The following GRXCR2 variants were observed in gnomAD, a reference collection of about 807,000 sequenced individuals.
GRXCR2 encodes the protein glutaredoxin domain-containing cysteine-rich protein 2.
Under a neutral mutation model 24.8 loss-of-function variants are expected in GRXCR2, and 23 were observed. The observed-to-expected ratio is 0.93, with a 90% CI of 0.67 to 1.32. The LOEUF is 1.32. Among genes scored for constraint, GRXCR2 ranks in the 40% most tolerant of loss-of-function variants. The pLI, the probability that GRXCR2 is intolerant of heterozygous loss-of-function variation, is 0.00. For missense variants in GRXCR2, 315 were observed against 303.4 expected, an observed-to-expected ratio of 1.04 and a Z score of -0.28; for synonymous variants, 130 against 116.1, an observed-to-expected ratio of 1.12 and a Z score of -0.77.
upstream of GRXCR2, among the ~76,000 whole-genome samples, chr5:145,876,191 G>GTGTATATATATA (rs1412232264): frequency 3.9e-3 from 412 of 105,234 alleles, no homozygotes; most frequent in African/African-American, 7.7e-3. Context: ...GTGTGTGTGT[G>GTGTATATATATA]TATATATATA....
At chr5:145,930,190 T>C (rs2149931541) in intron 2 of GRXCR2, among the ~76,000 whole-genome samples, 2 of 152,290 alleles carry the variant, frequency 1.3e-5, no homozygotes, top group Non-Finnish European at 2.9e-5. Context: ...ATTCAACTGA[T>C]TCTCCTGCCT....
chr5:145,907,565 C>T (rs1267868858), intron 2 of GRXCR2, among the ~76,000 whole-genome samples: 1 of 151,812 alleles, frequency 6.6e-6, no homozygotes, highest in Non-Finnish European at 1.5e-5. Context: ...AAAATGATCG[C>T]TCTGGCTGCC....
intron 2 of GRXCR2, among the ~76,000 whole-genome samples, chr5:145,863,658 GT>G (rs1756377835): frequency 6.6e-6 from 1 of 152,126 alleles, no homozygotes; most frequent in Non-Finnish European, 1.5e-5. Context: ...GCCAGGTTAG[GT>G]TCTTTTTTAA....
chr5:145,927,150 C>G (rs6580393), intron 2 of GRXCR2, among the ~76,000 whole-genome samples: 4 of 151,694 alleles, frequency 2.6e-5, no homozygotes, highest in Non-Finnish European at 4.4e-5. Context: ...GGGTTTTCTA[C>G]ATATACAATC....
intron 2 of GRXCR2, among the ~76,000 whole-genome samples, chr5:145,906,103 GA>G (rs1407763435): frequency 1.3e-5 from 2 of 152,152 alleles, no homozygotes; most frequent in Admixed American, 6.5e-5. Flanking sequence ...AATGCAGGAT[GA>G]GCCTGGTAAT....
chr5:145,864,479 C>A (rs2636300), intron 2 of GRXCR2, among the ~76,000 whole-genome samples: 12,283 of 152,072 alleles, frequency 0.081, 642 homozygotes, highest in African/African-American at 0.14. Flanking sequence ...CAAATCTCAT[C>A]TTGAATTGTA....
chr5:145,875,731 G>A (rs1756602572), upstream of GRXCR2, among the ~76,000 whole-genome samples: 1 of 152,104 alleles, frequency 6.6e-6, no homozygotes, highest in African/African-American at 2.4e-5. Flanking sequence ...TCATAACATT[G>A]TAACTCCCCC....
chr5:145,915,416 T>G (rs1427231044), intron 2 of GRXCR2, among the ~76,000 whole-genome samples: 4 of 152,104 alleles, frequency 2.6e-5, no homozygotes, highest in African/African-American at 9.7e-5. Flanking sequence ...AAACCAGAGA[T>G]TATTCTCCAC....
intron 2 of GRXCR2, among the ~76,000 whole-genome samples, chr5:145,929,901 C>T (rs138928194): frequency 2.0e-5 from 3 of 151,962 alleles, no homozygotes; most frequent in Non-Finnish European, 2.9e-5. Flanking sequence ...CAATCACTTC[C>T]GTTTCTTTAT....
At chr5:145,871,852 T>G (rs892090832) in intron 1 of GRXCR2, among the ~76,000 whole-genome samples, 2 of 152,198 alleles carry the variant, frequency 1.3e-5, no homozygotes, top group Non-Finnish European at 2.9e-5. Context: ...ATAATTGTAT[T>G]TTATCTTTTT....
rs377135425 is a variant in GRXCR2 at position 145,928,101 on chromosome 5, C to G, written c.-70+7600G>C. Among the ~76,000 whole-genome samples the G allele has an allele frequency of 4.5e-4, 68 of 152,002 alleles. No homozygotes were observed. The East Asian group carries it at 0.012, about 28-fold the overall frequency. ...TCAAAAAGTGGGCAAAGGATATGAA[C>G]AGACACTTCTCAAAAGAAGACATTT... is the stretch of plus-strand genomic sequence containing the variant. On this transcript the variant is annotated intron_variant, in intron 2 of 3. Coordinates refer to the GRXCR2 transcript ENST00000639411.
chr5:145,904,290 A>C (rs1757062232), intron 2 of GRXCR2, among the ~76,000 whole-genome samples: 1 of 152,204 alleles, frequency 6.6e-6, no homozygotes, highest in Non-Finnish European at 1.5e-5. Context: ...TCGCTGAGGA[A>C]ACATGGGATG....
At chr5:145,880,519 T>A (rs1756686286) in intron 2 of GRXCR2, among the ~76,000 whole-genome samples, 1 of 151,924 alleles carries the variant, frequency 6.6e-6, no homozygotes, top group Non-Finnish European at 1.5e-5. Context: ...AATAACAGAC[T>A]CTGAAATTGA....
At chr5:145,918,852 C>T (rs1300342163) in intron 2 of GRXCR2, among the ~76,000 whole-genome samples, 2 of 152,198 alleles carry the variant, frequency 1.3e-5, no homozygotes, top group Non-Finnish European at 2.9e-5. Flanking sequence ...CATTAAAACA[C>T]TACCTTCGTG....
At chr5:145,900,355 T>C (rs905844503) in intron 2 of GRXCR2, among the ~76,000 whole-genome samples, 1 of 152,186 alleles carries the variant, frequency 6.6e-6, no homozygotes, top group Non-Finnish European at 1.5e-5. Flanking sequence ...GTAAGTTTCC[T>C]GAGGTCTCCC....
At chr5:145,881,385 AACAG>A (rs1056674005) in intron 2 of GRXCR2, among the ~76,000 whole-genome samples, 4 of 152,128 alleles carry the variant, frequency 2.6e-5, no homozygotes, top group African/African-American at 7.2e-5. Context: ...ATACACCAAT[AACAG>A]ACAGAGAGCC....
rs72283862 is a variant in GRXCR2 at position 145,929,199 on chromosome 5, C to CTATATATATATATATA, written c.-70+6486_-70+6501dup. On this transcript the variant is annotated intron_variant, in intron 2 of 3. Coordinates refer to the GRXCR2 transcript ENST00000639411. Reference sequence around the variant, plus strand: ...TTTAATAGTTGTATAATATTCCCCCCTATATATATATATATATATATATAT... The same window carrying CTATATATATATATATA: ...TTTAATAGTTGTATAATATTCCCCCCTATATATATATATATATATATATATATATATATATATATAT... Among the ~76,000 whole-genome samples, 303 of 116,404 alleles carry CTATATATATATATATA rather than the reference C, an allele frequency of 2.6e-3. 1 individual carries two copies. Among genetic ancestry groups the CTATATATATATATATA allele is most frequent in the African/African-American group, 5.8e-3 (183 of 31,638 alleles). The allele number at this position is 116,404 out of a possible 152,430, so 76.4% of individuals were successfully genotyped here. A position where few individuals can be genotyped will look rare whatever the true frequency, so the allele number is the denominator to read the frequency against.
At chr5:145,904,666 T>C (rs1757066901) in intron 2 of GRXCR2, among the ~76,000 whole-genome samples, 1 of 152,152 alleles carries the variant, frequency 6.6e-6, no homozygotes, top group African/African-American at 2.4e-5. Context: ...TTGGACAGAG[T>C]AAGTCAGATG....
intron 2 of GRXCR2, among the ~76,000 whole-genome samples, chr5:145,890,449 T>C (rs1298897827): frequency 6.6e-6 from 1 of 152,058 alleles, no homozygotes; most frequent in African/African-American, 2.4e-5. Context: ...AGTCACCAAA[T>C]CTATAAATTA....
Sources: allele counts gnomAD v4.1 joint callset (sites outside exome capture counted in the v4.1 genomes callset), GRCh38; gene constraint gnomAD v4.1.1; transcripts MANE v1.5; gene names NCBI Gene and HGNC (gene_info 2026-07-23, HGNC 2026-07-21).